CBLN2: variants seen among roughly 807,000 people sequenced by gnomAD.
CBLN2 encodes cerebellin-2.
A neutral mutation model predicts 15.0 loss-of-function variants in CBLN2; 7 were observed. The ratio of observed to expected loss-of-function variants is 0.47; its 90% CI spans 0.27 to 0.88. The LOEUF (loss-of-function observed/expected upper bound fraction) is 0.88. Ranked by LOEUF, CBLN2 falls within the 40% of genes least tolerant of loss-of-function variation. The pLI is 0.14. For missense variants in CBLN2, 242 were observed against 304.5 expected, an observed-to-expected ratio of 0.79 and a Z score of 1.53; for synonymous variants, 149 against 135.2, an observed-to-expected ratio of 1.10 and a Z score of -0.71.
chr18:72,602,980 A>G (rs547375985), intron 1 of CBLN2, among the ~76,000 whole-genome samples: 36 of 152,314 alleles, frequency 2.4e-4, no homozygotes, highest in Admixed American at 1.4e-3. Flanking sequence ...CAAATAGAAC[A>G]CCATTTACTA....
chr18:72,607,970 A>T (rs2069594726), intron 1 of CBLN2, among the ~76,000 whole-genome samples: 1 of 152,146 alleles, frequency 6.6e-6, no homozygotes, highest in Non-Finnish European at 1.5e-5. Context: ...GTACAGGCAT[A>T]TTTAAAGGCA....
At chr18:72,607,051 G>A (rs1021423992) in intron 1 of CBLN2, among the ~76,000 whole-genome samples, 2 of 152,144 alleles carry the variant, frequency 1.3e-5, no homozygotes, top group Non-Finnish European at 2.9e-5. Context: ...ATTAGGGTGG[G>A]CTTTATCCCA....
At chr18:72,572,936 T>C (rs1234504629) in intron 1 of CBLN2, among the ~76,000 whole-genome samples, 1 of 152,192 alleles carries the variant, frequency 6.6e-6, no homozygotes, top group African/African-American at 2.4e-5. Flanking sequence ...TTGATAATTA[T>C]ACAATCTCTC....
chr18:72,549,720 C>G (rs2144880016), intron 1 of CBLN2, among the ~76,000 whole-genome samples: 1 of 152,244 alleles, frequency 6.6e-6, no homozygotes, highest in African/African-American at 2.4e-5. Context: ...ACAAATGAAG[C>G]ATTACTGAGA....
intron 1 of CBLN2, among the ~76,000 whole-genome samples, chr18:72,617,530 A>C (rs1206838061): frequency 6.6e-6 from 1 of 152,358 alleles, no homozygotes; most frequent in East Asian, 1.9e-4. Context: ...TATCAAGATC[A>C]TCCTAAGAAA....
At chr18:72,573,284 G>A (rs958491883) in intron 1 of CBLN2, among the ~76,000 whole-genome samples, 5 of 152,134 alleles carry the variant, frequency 3.3e-5, no homozygotes, top group Non-Finnish European at 7.4e-5. Flanking sequence ...TTGGGGGGAA[G>A]GTAGACGTAT....
At chr18:72,565,596 TA>T (rs1031720998) in intron 1 of CBLN2, among the ~76,000 whole-genome samples, 1 of 152,144 alleles carries the variant, frequency 6.6e-6, no homozygotes, top group African/African-American at 2.4e-5. Flanking sequence ...TGAGAATTTT[TA>T]TGTAAGCCCC....
intron 1 of CBLN2, among the ~76,000 whole-genome samples, chr18:72,600,232 A>G (rs565740751): frequency 1.8e-3 from 275 of 152,344 alleles, no homozygotes; most frequent in Middle Eastern, 0.01. Context: ...AAAAAGAAGG[A>G]ATCCGTATGA....
chr18:72,612,388 AT>A (rs1177166047), intron 1 of CBLN2, among the ~76,000 whole-genome samples: 1 of 152,174 alleles, frequency 6.6e-6, no homozygotes, highest in Non-Finnish European at 1.5e-5. Flanking sequence ...GAACACTCAC[AT>A]TTGTTGTGTG....
chr18:72,623,397 C>T (rs1394483623), intron 1 of CBLN2, among the ~76,000 whole-genome samples: 3 of 152,152 alleles, frequency 2.0e-5, no homozygotes, highest in South Asian at 2.1e-4. Flanking sequence ...TTATAAAATT[C>T]TCCCTTTTTC....
At chr18:72,620,832 C>T (rs2069695863) in intron 1 of CBLN2, among the ~76,000 whole-genome samples, 1 of 152,114 alleles carries the variant, frequency 6.6e-6, no homozygotes, top group African/African-American at 2.4e-5. Flanking sequence ...TTATTATTTT[C>T]TCTAGGAAAT....
intron 1 of CBLN2, among the ~76,000 whole-genome samples, chr18:72,630,840 C>G (rs2069771341): frequency 1.3e-5 from 2 of 152,118 alleles, no homozygotes; most frequent in Admixed American, 6.6e-5. Flanking sequence ...CTACTTTACT[C>G]AAACACATAA....
At chr18:72,557,261 A>G (rs2069232497) in intron 1 of CBLN2, among the ~76,000 whole-genome samples, 1 of 152,074 alleles carries the variant, frequency 6.6e-6, no homozygotes, top group Non-Finnish European at 1.5e-5. Context: ...TATGTACCAC[A>G]TTTTCTTTAT....
chr18:72,578,349 G>C (rs1227336824), intron 1 of CBLN2, among the ~76,000 whole-genome samples: 1 of 152,092 alleles, frequency 6.6e-6, no homozygotes, highest in East Asian at 1.9e-4. Context: ...TTCAAAGATA[G>C]CATGATGTAT....
At chr18:72,594,497 C>G (rs1184722538) in intron 1 of CBLN2, among the ~76,000 whole-genome samples, 1 of 148,640 alleles carries the variant, frequency 6.7e-6, no homozygotes, top group African/African-American at 2.5e-5. Context: ...TTATACTGTC[C>G]TTGCAAAATG....
At chr18:72,618,578 A>G (rs1450027189) in intron 1 of CBLN2, 1 of 859,496 alleles carries the variant, frequency 1.2e-6, no homozygotes. Context: ...TTAACTGTGA[A>G]AAGTATACGT....
At chr18:72,606,893 C>T (rs536699936) in intron 1 of CBLN2, among the ~76,000 whole-genome samples, 19 of 152,314 alleles carry the variant, frequency 1.2e-4, no homozygotes, top group East Asian at 7.7e-4. Context: ...CCATGGATTG[C>T]GCTCTTTCAT....
intron 1 of CBLN2, among the ~76,000 whole-genome samples, chr18:72,596,656 T>C (rs1291753414): frequency 2.6e-5 from 4 of 152,214 alleles, no homozygotes; most frequent in African/African-American, 9.6e-5. Context: ...TCTTTATTTC[T>C]TCTTGTGTTT....
chr18:72,615,193 A>C (rs1468180275), intron 1 of CBLN2, among the ~76,000 whole-genome samples: 1 of 137,072 alleles, frequency 7.3e-6, no homozygotes, highest in African/African-American at 2.7e-5. Flanking sequence ...ATTATATATA[A>C]ATATATATTT....
Sources: allele counts gnomAD v4.1 joint callset (sites outside exome capture counted in the v4.1 genomes callset), GRCh38; gene constraint gnomAD v4.1.1; transcripts MANE v1.5; gene names NCBI Gene and HGNC (gene_info 2026-07-23, HGNC 2026-07-21).